HDAC4: variants seen among roughly 807,000 people sequenced by gnomAD.
The protein encoded by HDAC4 is histone deacetylase 4.
HDAC4 carries 16 observed loss-of-function variants against 135.1 expected under a neutral mutation model. The observed-to-expected ratio is 0.12, with a 90% CI of 0.08 to 0.18. The LOEUF (loss-of-function observed/expected upper bound fraction) is 0.18, where lower values mean the gene tolerates loss of function less well. Ranked by LOEUF, HDAC4 falls within the 10% of genes least tolerant of loss-of-function variation. HDAC4 has a pLI of 1.00. For missense variants in HDAC4, 1,143 were observed against 1,511.8 expected, an observed-to-expected ratio of 0.76 and a Z score of 4.05; for synonymous variants, 685 against 653.4, an observed-to-expected ratio of 1.05 and a Z score of -0.74.
chr2:239,281,329 T>G (rs1242145962), intron 2 of HDAC4, among the ~76,000 whole-genome samples: 1 of 105,186 alleles, frequency 9.5e-6, no homozygotes, highest in African/African-American at 3.3e-5. Context: ...TACACACCAC[T>G]CTGCAAACAA....
intron 1 of HDAC4, among the ~76,000 whole-genome samples, chr2:239,381,207 C>T (rs1248674687): frequency 6.6e-6 from 1 of 152,258 alleles, no homozygotes; most frequent in Admixed American, 6.5e-5. Context: ...GTGAGCTGAG[C>T]TGCAGTGAAG....
chr2:239,162,300 C>T, intron 6 of HDAC4: 1 of 456,660 alleles, frequency 2.2e-6, no homozygotes, highest in South Asian at 1.5e-5. Flanking sequence ...GCAGGCTCTG[C>T]ACTCCAGCTC....
At chr2:239,246,554 G>A (rs889071877) in intron 2 of HDAC4, among the ~76,000 whole-genome samples, 9 of 146,168 alleles carry the variant, frequency 6.2e-5, no homozygotes, top group Admixed American at 1.4e-4. Context: ...CCACGGCGCC[G>A]GCAGGAGTGA....
chr2:239,350,515 T>G (rs1290661897), intron 2 of HDAC4, among the ~76,000 whole-genome samples: 1 of 152,140 alleles, frequency 6.6e-6, no homozygotes, highest in Non-Finnish European at 1.5e-5. Flanking sequence ...GAGAGAACTT[T>G]TTTTTTTGAG....
chr2:239,287,044 G>A (rs750678369), intron 2 of HDAC4, among the ~76,000 whole-genome samples: 15 of 152,190 alleles, frequency 9.9e-5, no homozygotes. Context: ...GTTGGACACT[G>A]GCCTGGGCAG....
chr2:239,057,324 A>C (rs965952693), intron 24 of HDAC4, among the ~76,000 whole-genome samples: 8 of 152,364 alleles, frequency 5.3e-5, no homozygotes, highest in Non-Finnish European at 1.2e-4. Flanking sequence ...AATTATAAAA[A>C]GTAAATATAG....
At chr2:239,081,298 C>T in intron 21 of HDAC4, 106 bp from the exon 22 acceptor site, 2 of 916,376 alleles carry the variant, frequency 2.2e-6, no homozygotes, top group Non-Finnish European at 3.5e-6. Context: ...CTTGGTGGGC[C>T]CCTGGGGAGA....
At chr2:239,276,997 C>A (rs947517653) in intron 2 of HDAC4, among the ~76,000 whole-genome samples, 1 of 152,168 alleles carries the variant, frequency 6.6e-6, no homozygotes, top group East Asian at 1.9e-4. Flanking sequence ...CTGCTCTGTG[C>A]AGCCCCTTTC....
chr2:239,387,578 C>T (rs1387842676), intron 1 of HDAC4, among the ~76,000 whole-genome samples: 2 of 152,244 alleles, frequency 1.3e-5, no homozygotes, highest in Admixed American at 1.3e-4. Flanking sequence ...CTTCAGGCAG[C>T]ATCTGTGCCA....
chr2:239,225,018 A>T (rs1026359689), intron 3 of HDAC4, among the ~76,000 whole-genome samples: 2 of 152,258 alleles, frequency 1.3e-5, no homozygotes, highest in African/African-American at 2.4e-5. Flanking sequence ...ACAGCTGGGT[A>T]ATTTCTAACC....
chr2:239,286,807 AT>A (rs2051163476), intron 2 of HDAC4, among the ~76,000 whole-genome samples: 1 of 152,180 alleles, frequency 6.6e-6, no homozygotes, highest in Admixed American at 6.5e-5. Context: ...ACCAAACGTG[AT>A]GAAAGGAGAA....
chr2:239,060,120 C>T (rs1246462631), intron 24 of HDAC4, among the ~76,000 whole-genome samples: 1 of 152,212 alleles, frequency 6.6e-6, no homozygotes, highest in South Asian at 2.1e-4. Context: ...TCACATGGCA[C>T]TCGGGGTACA....
At chr2:239,301,571 T>TC (rs2052275366) in intron 2 of HDAC4, among the ~76,000 whole-genome samples, 1 of 151,290 alleles carries the variant, frequency 6.6e-6, no homozygotes, top group Non-Finnish European at 1.5e-5. Context: ...AGCCTCGACC[T>TC]CCTAGCTCGA....
intron 1 of HDAC4, among the ~76,000 whole-genome samples, chr2:239,360,662 G>A (rs183109621): frequency 9.9e-5 from 15 of 151,886 alleles, no homozygotes; most frequent in Admixed American, 9.2e-4. Context: ...TGGTCCCTTA[G>A]GAAAGAGTAC....
intron 1 of HDAC4, among the ~76,000 whole-genome samples, chr2:239,359,281 C>T (rs963341625): frequency 2.0e-5 from 3 of 152,240 alleles, no homozygotes; most frequent in South Asian, 2.1e-4. Context: ...TACACTGAAA[C>T]GTCCGAAAGT....
At chr2:239,327,190 C>T (rs551274959) in intron 2 of HDAC4, among the ~76,000 whole-genome samples, 1 of 152,362 alleles carries the variant, frequency 6.6e-6, no homozygotes, top group Non-Finnish European at 1.5e-5. Flanking sequence ...GCTGGGTTTC[C>T]TGGGGCACCT....
intron 4 of HDAC4, among the ~76,000 whole-genome samples, chr2:239,184,070 A>T (rs996457249): frequency 1.9e-3 from 14 of 7,280 alleles, no homozygotes; most frequent in African/African-American, 5.9e-3. Flanking sequence ...TTGCTAGTGT[A>T]AAAAAAAAAA....
chr2:239,365,983 GGGTCAT>G (rs1378331773), intron 1 of HDAC4, among the ~76,000 whole-genome samples: 1 of 151,238 alleles, frequency 6.6e-6, no homozygotes, highest in African/African-American at 2.4e-5. Flanking sequence ...AGGGTTGTCA[GGGTCAT>G]GCATGTGGCA....
At chr2:239,184,227 C>T (rs917351841) in intron 4 of HDAC4, among the ~76,000 whole-genome samples, 2 of 152,312 alleles carry the variant, frequency 1.3e-5, no homozygotes, top group African/African-American at 2.4e-5. Context: ...TGCAGGAGGG[C>T]GATGTGCAAC....
Sources: gnomAD v4.1 joint callset for allele counts (sites outside exome capture counted in the v4.1 genomes callset) on GRCh38, gnomAD v4.1.1 for gene constraint, MANE v1.5 for transcripts, NCBI Gene and HGNC (gene_info 2026-07-23, HGNC 2026-07-21) for gene names.